The following TRPM3 variants were observed in gnomAD, a reference collection of about 807,000 sequenced individuals.
TRPM3 encodes the protein long transient receptor potential channel 3.
In TRPM3, 77 loss-of-function variants were observed where a neutral mutation model predicts 181.2. The observed-to-expected ratio is 0.42, with a 90% CI of 0.35 to 0.51. The LOEUF (loss-of-function observed/expected upper bound fraction) is 0.51. TRPM3 is among the 20% of genes least tolerant of loss of function. The pLI is 0.01. For synonymous variants in TRPM3, 745 were observed against 796.4 expected, an observed-to-expected ratio of 0.94 and a Z score of 1.09; for missense variants, 1,759 against 2,196.7, an observed-to-expected ratio of 0.80 and a Z score of 3.98.
intron 7 of TRPM3, among the ~76,000 whole-genome samples, chr9:70,777,784 C>T (rs778783532): frequency 2.6e-5 from 4 of 151,806 alleles, no homozygotes; most frequent in Non-Finnish European, 5.9e-5. Context: ...CCCATAGTAC[C>T]TAAAACAAGC....
intron 1 of TRPM3, among the ~76,000 whole-genome samples, chr9:71,033,154 G>T (rs1001245865): frequency 6.6e-6 from 1 of 152,246 alleles, no homozygotes; most frequent in Non-Finnish European, 1.5e-5. Context: ...GATGGTTGGG[G>T]CTTGTAGCCC....
At position 70,533,561 on chromosome 9, in the gene TRPM3, A is replaced by C. The variant is rs566406048; in HGVS notation, c.*2392T>G. 1 of 152,312 alleles carries C rather than the reference A, an allele frequency of 6.6e-6. No individual in the cohort carries two copies. Among genetic ancestry groups the C allele is most frequent in the African/African-American group, 2.4e-5 (1 of 41,570 alleles). The allele number at this position is 152,312 out of a possible 1,614,324, so 9.4% of individuals were successfully genotyped here. ...GAACCAGGGGCTCATGAACCCTTTC[A>C]AGTTATATTGCAACTTTGCATTATG... On this transcript the variant is annotated 3_prime_UTR_variant, in exon 26 of 26. Coordinates refer to ENST00000677713, the MANE Select transcript of TRPM3 (RefSeq NM_001366145.2).
In TRPM3 at chr9:70,655,177, G is replaced by A. The variant is rs559630953; in HGVS notation, c.1346-14517C>T. On this transcript the variant is annotated intron_variant, in intron 9 of 25. Coordinates refer to ENST00000677713, the MANE Select transcript of TRPM3 (RefSeq NM_001366145.2). ...AAAAATTAGCCAGGTGTGGTGGCTC[G>A]TGCCTGTAATCCCTGGTACTCAGGA... Among the ~76,000 whole-genome samples, 179 of 150,260 alleles carry A rather than the reference G, an allele frequency of 1.2e-3. 1 individual carries two copies. The highest frequency in any genetic ancestry group is 4.0e-3 in the African/African-American group (165 of 41,206).
chr9:70,922,917 A>T (rs1269221348), intron 1 of TRPM3, among the ~76,000 whole-genome samples: 1 of 152,214 alleles, frequency 6.6e-6, no homozygotes, highest in East Asian at 1.9e-4. Context: ...AAAAGAGAAG[A>T]GACTCTGTAA....
chr9:70,988,741 G>A (rs1441893830), intron 1 of TRPM3, among the ~76,000 whole-genome samples: 2 of 152,170 alleles, frequency 1.3e-5, no homozygotes, highest in East Asian at 3.9e-4. Flanking sequence ...TGTTGCACAA[G>A]AGGATGTCAG....
At chr9:71,128,699 A>G (rs1461504601) in intron 1 of TRPM3, among the ~76,000 whole-genome samples, 1 of 152,214 alleles carries the variant, frequency 6.6e-6, no homozygotes, top group African/African-American at 2.4e-5. Context: ...TAAATAACTT[A>G]CGAATTAATA....
intron 7 of TRPM3, among the ~76,000 whole-genome samples, chr9:70,780,560 A>G (rs899754819): frequency 9.9e-5 from 15 of 151,978 alleles, no homozygotes; most frequent in Admixed American, 6.6e-5. Flanking sequence ...CATAAAGCAC[A>G]CTACTGCAAG....
intron 1 of TRPM3, among the ~76,000 whole-genome samples, chr9:71,233,738 C>A (rs2131921725): frequency 6.6e-6 from 1 of 152,278 alleles, no homozygotes; most frequent in Admixed American, 6.5e-5. Context: ...CTAGAGCTTG[C>A]AAGAAGCCAA....
chr9:70,879,396 T>C (rs1398970057), intron 1 of TRPM3, among the ~76,000 whole-genome samples: 1 of 152,106 alleles, frequency 6.6e-6, no homozygotes, highest in Non-Finnish European at 1.5e-5. Context: ...TAATTACCTG[T>C]TCTCATACTT....
At position 70,639,075 on chromosome 9, in the gene TRPM3, C is replaced by T. The variant is rs1265848637; in HGVS notation, c.1566G>A (p.Glu522=). ...TTGGCCCTACCGTATTGTACAATTC[C>T]TCTAGTCTGGAGATGGTGAGAAAAC... ...MHRFLTISRL[E]ELYNTRHGPS... The change falls in exon 11 of 26, where the codon GAG becomes GAA. Residue 522 remains glutamate, a synonymous_variant. Transcript: ENST00000677713. 3 of 1,613,800 alleles carry T rather than the reference C, an allele frequency of 1.9e-6. No individual in the cohort carries two copies. The highest frequency in any genetic ancestry group is 2.5e-6 in the Non-Finnish European group (3 of 1,179,850).
At chr9:71,368,252 T>G (rs1227635370) in intron 1 of TRPM3, among the ~76,000 whole-genome samples, 1 of 152,286 alleles carries the variant, frequency 6.6e-6, no homozygotes, top group East Asian at 1.9e-4. Context: ...GACCATCTGA[T>G]TACTTGTTTG....
At chr9:71,385,937 C>T (rs2092913016) in intron 1 of TRPM3, among the ~76,000 whole-genome samples, 2 of 151,792 alleles carry the variant, frequency 1.3e-5, no homozygotes, top group African/African-American at 4.8e-5. Context: ...AAACTCCTGA[C>T]CTCAAGCGAT....
intron 1 of TRPM3, among the ~76,000 whole-genome samples, chr9:70,915,361 A>G (rs1038869038): frequency 1.3e-5 from 2 of 151,734 alleles, no homozygotes; most frequent in Admixed American, 1.3e-4. Flanking sequence ...GCACTGGCCC[A>G]ATCTCGGCTC....
At chr9:70,933,714 T>A (rs1054318959) in intron 1 of TRPM3, among the ~76,000 whole-genome samples, 9 of 152,096 alleles carry the variant, frequency 5.9e-5, no homozygotes, top group Non-Finnish European at 1.2e-4. Flanking sequence ...ATTTTTTTTT[T>A]AATGCGTTTG....
chr9:70,783,620 G>A (rs959531409), intron 7 of TRPM3, among the ~76,000 whole-genome samples: 4 of 152,070 alleles, frequency 2.6e-5, no homozygotes, highest in South Asian at 2.1e-4. Flanking sequence ...TTCCCAGCCC[G>A]TCTAGAGAAG....
intron 1 of TRPM3, among the ~76,000 whole-genome samples, chr9:71,311,530 A>T (rs2087929097): frequency 6.6e-6 from 1 of 152,162 alleles, no homozygotes. Context: ...TCTTTTCAAC[A>T]AATGGTACTG....
intron 1 of TRPM3, among the ~76,000 whole-genome samples, chr9:71,061,816 G>T (rs10120519): frequency 0.044 from 6,640 of 152,078 alleles, 233 homozygotes; most frequent in African/African-American, 0.094. Flanking sequence ...ATTTTACATT[G>T]TATCCTTACT....
chr9:71,126,975 C>T (rs1027828507), intron 1 of TRPM3, among the ~76,000 whole-genome samples: 5 of 151,922 alleles, frequency 3.3e-5, no homozygotes, highest in African/African-American at 9.7e-5. Flanking sequence ...TATAAGGATA[C>T]TTAACAAGCT....
chr9:71,097,751 C>G (rs536395549), intron 1 of TRPM3, among the ~76,000 whole-genome samples: 1 of 152,200 alleles, frequency 6.6e-6, no homozygotes, highest in African/African-American at 2.4e-5. Flanking sequence ...TCCTAGGTGA[C>G]AAAATCACCA....
Sources: allele counts gnomAD v4.1 joint callset (sites outside exome capture counted in the v4.1 genomes callset), GRCh38; gene constraint gnomAD v4.1.1; transcripts MANE v1.5; gene names NCBI Gene and HGNC (gene_info 2026-07-23, HGNC 2026-07-21).